CSF2RA: variants seen among roughly 807,000 people sequenced by gnomAD.
CSF2RA encodes the protein colony stimulating factor 2 receptor subunit alpha.
CSF2RA carries 42 observed loss-of-function variants against 51.6 expected under a neutral mutation model. The ratio of observed to expected loss-of-function variants is 0.81; its 90% CI spans 0.64 to 1.05. CSF2RA has a LOEUF of 1.05. Ranked by LOEUF, CSF2RA falls within the 50% of genes least tolerant of loss-of-function variation. CSF2RA has a pLI of 0.00. For missense variants in CSF2RA, 530 were observed against 501.1 expected (o/e 1.06, Z -0.55); for synonymous variants, 222 against 193.0 (o/e 1.15, Z -1.24).
chrX:1,304,988 T>C (rs1250959089), intron 11 of CSF2RA, among the ~76,000 whole-genome samples: 7 of 147,198 alleles, frequency 4.8e-5, no homozygotes, highest in African/African-American at 1.5e-4. Flanking sequence ...TGTTTGTCAT[T>C]TGGTGATTTT....
chrX:1,290,895 T>C (rs1489535923), intron 7 of CSF2RA, among the ~76,000 whole-genome samples: 1 of 152,040 alleles, frequency 6.6e-6, no homozygotes, highest in Non-Finnish European at 1.5e-5. Context: ...GTAACTTTGG[T>C]GCTGTAACAA....
In CSF2RA at chrX:1,300,627, G is replaced by C. The variant is rs1327742493; in HGVS notation, c.946+1G>C. 1 of 1,613,920 alleles carries C rather than the reference G, an allele frequency of 6.2e-7. No homozygotes were observed. Among genetic ancestry groups the C allele is most frequent in the Non-Finnish European group, 8.5e-7 (1 of 1,179,872 alleles). On this transcript the variant is annotated splice_donor_variant, in intron 10 of 12. Transcript: ENST00000381529. LOFTEE classifies it high-confidence loss of function. ...TCCTGGAGTGAAGCCATTGAATTTGGTAAGCGTTGGGCGGAGGTAAGGGAT... is the reference window on the plus strand; with the variant it reads ...TCCTGGAGTGAAGCCATTGAATTTGCTAAGCGTTGGGCGGAGGTAAGGGAT...
At chrX:1,293,069 C>T (rs1427243829) in intron 7 of CSF2RA, among the ~76,000 whole-genome samples, 12 of 152,162 alleles carry the variant, frequency 7.9e-5, no homozygotes, top group African/African-American at 2.9e-4. Flanking sequence ...AGACACAGCA[C>T]ATGTTTCTGT....
chrX:1,280,874 T>TCTC, intron 2 of CSF2RA, among the ~76,000 whole-genome samples: 1 of 37,948 alleles, frequency 2.6e-5, no homozygotes, highest in African/African-American at 1.2e-4. Flanking sequence ...TCCTCCTCCT[T>TCTC]CTCCTGCTCC....
intron 7 of CSF2RA, among the ~76,000 whole-genome samples, chrX:1,292,687 G>A (rs1349541489): frequency 6.6e-6 from 1 of 152,084 alleles, no homozygotes; most frequent in Non-Finnish European, 1.5e-5. Flanking sequence ...AGCATATCTC[G>A]CCTCCAGCCA....
downstream of CSF2RA, among the ~76,000 whole-genome samples, chrX:1,311,667 A>AAC (rs779657885): frequency 0.012 from 1,784 of 152,176 alleles, 39 homozygotes; most frequent in African/African-American, 0.041. Flanking sequence ...GCTGGTCTCC[A>AAC]TCTGACCTCG....
At chrX:1,301,331 C>CAAA (rs1156943650) in intron 10 of CSF2RA, among the ~76,000 whole-genome samples, 65 of 62,570 alleles carry the variant, frequency 1.0e-3, no homozygotes, top group South Asian at 1.6e-3. Context: ...GACTCTGTCT[C>CAAA]AAAAAAAAAA....
chrX:1,280,334 A>T (rs2089729211), intron 2 of CSF2RA, among the ~76,000 whole-genome samples: 1 of 151,852 alleles, frequency 6.6e-6, no homozygotes, highest in Non-Finnish European at 1.5e-5. Flanking sequence ...AGCCTGGCAT[A>T]ATGGCGGGCG....
At chrX:1,280,027 C>T (rs1453788518) in intron 2 of CSF2RA, among the ~76,000 whole-genome samples, 6 of 151,990 alleles carry the variant, frequency 3.9e-5, no homozygotes, top group South Asian at 2.1e-4. Context: ...TGACCTCAGG[C>T]GATCCGCCTG....
At chrX:1,295,197 C>T (rs1332051892) in intron 8 of CSF2RA, among the ~76,000 whole-genome samples, 30 of 68,424 alleles carry the variant, frequency 4.4e-4, no homozygotes, top group Non-Finnish European at 7.9e-4. Context: ...CCAGTGGGAC[C>T]TTTCTGGATG....
At chrX:1,284,397 G>C (rs1456135026) in intron 3 of CSF2RA, among the ~76,000 whole-genome samples, 1 of 133,386 alleles carries the variant, frequency 7.5e-6, no homozygotes, top group Admixed American at 8.4e-5. Context: ...ATTTTATAGA[G>C]GAGATCTTGC....
At chrX:1,284,600 A>AT (rs756926364) in intron 3 of CSF2RA, among the ~76,000 whole-genome samples, 1,225 of 103,106 alleles carry the variant, frequency 0.012, 31 homozygotes, top group African/African-American at 0.044. Context: ...GCTAATTTAA[A>AT]TTTTTTTTTT....
rs1389681878 is a variant in CSF2RA at position 1,285,867 on chromosome X, A to G, written c.166A>G (p.Thr56Ala). 8.1e-6 allele frequency: 13 copies of G among 1,613,744 alleles called. No individual in the cohort carries two copies. Among genetic ancestry groups the G allele is most frequent in the Non-Finnish European group, 1.1e-5 (13 of 1,179,842 alleles). Residue 56 changes from threonine to alanine, a missense_variant, in exon 4 of 13, where the codon ACC (threonine) becomes GCC (alanine). Coordinates refer to ENST00000381529, the MANE Select transcript of CSF2RA (RefSeq NM_172245.4). ...AAGCTGGGACTGCCAAGAAAACACA[A>G]CCTTCAGCAAGTGTTTCTTAACTGA... ...NLSWDCQENT[T>A]FSKCFLTDKK...
At chrX:1,325,006 C>G in the CSF2RA span, among the ~76,000 whole-genome samples, 1 of 152,022 alleles carries the variant, frequency 6.6e-6, no homozygotes. Context: ...CCACCGACAC[C>G]AGGTTCTCTC....
At chrX:1,307,968 G>C (rs2083841418) in intron 12 of CSF2RA, among the ~76,000 whole-genome samples, 2 of 141,060 alleles carry the variant, frequency 1.4e-5, no homozygotes, top group East Asian at 4.3e-4. Flanking sequence ...TTCCCCTTTA[G>C]ACCTTCAGCT....
chrX:1,308,698 G>A (rs753005317), intron 12 of CSF2RA, among the ~76,000 whole-genome samples: 6 of 151,962 alleles, frequency 3.9e-5, no homozygotes, highest in Admixed American at 2.6e-4. Context: ...CCACCCCCAC[G>A]CCAGCCTCCT....
At position 1,285,725 on chromosome X, in the gene CSF2RA, AAAAAAAG is replaced by A. The variant is rs1162781811; in HGVS notation, c.77-52_77-46del. 2.0e-3 allele frequency: 2,014 copies of A among 1,003,926 alleles called. 24 individuals carry two copies. Among genetic ancestry groups the A allele is most frequent in the Middle Eastern group, 5.8e-3 (16 of 2,756 alleles). 62.2% of individuals were successfully genotyped at this position (1,003,926 alleles called of 1,614,324 possible). ...TCAAAAAAAAAAAAAAAAAAAAAAAAAAAAAAGGAAAAGAAAAGAGGAAATTCTGAAC... is the reference window on the plus strand; with the variant it reads ...TCAAAAAAAAAAAAAAAAAAAAAAAAGAAAAGAAAAGAGGAAATTCTGAAC... On this transcript the variant is annotated intron_variant, in intron 3 of 12. Coordinates refer to ENST00000381529, the MANE Select transcript of CSF2RA (RefSeq NM_172245.4).
Position 1,288,418 on chromosome X carries a change from G to C in CSF2RA, c.220-101G>C, listed in dbSNP as rs1434176312. ...AATTGCTTGAACCTGGAAGGCGGAG[G>C]TTGTAGTGAGCCGAGATCACGCCAC... On this transcript the variant is annotated intron_variant, in intron 4 of 12. Coordinates refer to ENST00000381529, the MANE Select transcript of CSF2RA (RefSeq NM_172245.4). The C allele has an allele frequency of 2.0e-5, 26 of 1,320,312 alleles. 2 individuals are homozygous for C. Among genetic ancestry groups the C allele is most frequent in the Non-Finnish European group, 2.8e-5 (26 of 913,570 alleles). The allele number at this position is 1,320,312 out of a possible 1,614,324, so 81.8% of individuals were successfully genotyped here.
intron 9 of CSF2RA, 143 bp from the exon 10 acceptor site, chrX:1,300,348 G>C: frequency 1.0e-6 from 1 of 992,462 alleles, no homozygotes; most frequent in Non-Finnish European, 1.5e-6. Flanking sequence ...ATCAGACCAA[G>C]TGCATTCAGA....
Sources: gnomAD v4.1 joint callset for allele counts (sites outside exome capture counted in the v4.1 genomes callset) on GRCh38, gnomAD v4.1.1 for gene constraint, MANE v1.5 for transcripts, NCBI Gene and HGNC (gene_info 2026-07-23, HGNC 2026-07-21) for gene names.